ATP8B4: variants seen among roughly 807,000 people sequenced by gnomAD.
ATP8B4 encodes ATPase phospholipid transporting 8B4 (putative).
In ATP8B4, 133 loss-of-function variants were observed where a neutral mutation model predicts 145.6. The observed-to-expected ratio is 0.91, with a 90% CI of 0.79 to 1.05. The LOEUF (loss-of-function observed/expected upper bound fraction) is 1.05, where lower values mean the gene tolerates loss of function less well. ATP8B4 is among the 50% of genes least tolerant of loss of function. The pLI is 0.00. For synonymous variants in ATP8B4, 507 were observed against 492.9 expected, an observed-to-expected ratio of 1.03 and a Z score of -0.38; for missense variants, 1,458 against 1,425.2, an observed-to-expected ratio of 1.02 and a Z score of -0.37.
At chr15:49,947,437 C>CAAAAAAAAAAAAA (rs35281379) in intron 14 of ATP8B4, among the ~76,000 whole-genome samples, 1 of 89,058 alleles carries the variant, frequency 1.1e-5, no homozygotes, top group Non-Finnish European at 2.2e-5. Context: ...GACTCTGTCT[C>CAAAAAAAAAAAAA]AAAAAAAAAA....
chr15:50,163,066 T>C (rs1374371269), intron 1 of ATP8B4, among the ~76,000 whole-genome samples: 1 of 152,236 alleles, frequency 6.6e-6, no homozygotes, highest in Non-Finnish European at 1.5e-5. Flanking sequence ...AAAACAGTTA[T>C]TTTGTCTTTT....
chr15:49,928,269 T>C (rs558534322), intron 16 of ATP8B4, among the ~76,000 whole-genome samples: 6 of 152,148 alleles, frequency 3.9e-5, no homozygotes, highest in South Asian at 2.1e-4. Context: ...ATTTGGAGAA[T>C]AGAAAAAGAA....
intron 14 of ATP8B4, among the ~76,000 whole-genome samples, chr15:49,935,314 G>A (rs898901682): frequency 1.3e-5 from 2 of 151,922 alleles, no homozygotes; most frequent in East Asian, 1.9e-4. Flanking sequence ...TATTATCCCC[G>A]TTTTACAGAT....
At chr15:50,020,612 C>CT in intron 6 of ATP8B4, among the ~76,000 whole-genome samples, 1 of 152,218 alleles carries the variant, frequency 6.6e-6, no homozygotes, top group Admixed American at 6.5e-5. Flanking sequence ...TACAGAATGA[C>CT]TAATATCTTG....
At chr15:50,102,062 C>T (rs2056390752) in intron 2 of ATP8B4, among the ~76,000 whole-genome samples, 1 of 151,968 alleles carries the variant, frequency 6.6e-6, no homozygotes, top group African/African-American at 2.4e-5. Flanking sequence ...AGTGACACAA[C>T]CTAACAAAAC....
intron 8 of ATP8B4, among the ~76,000 whole-genome samples, chr15:49,997,709 G>A (rs1352510685): frequency 2.6e-5 from 4 of 152,072 alleles, no homozygotes; most frequent in Non-Finnish European, 4.4e-5. Flanking sequence ...AGGTACCTAA[G>A]AAGGCATCCA....
Position 49,985,197 on chromosome 15 carries a change from T to C in ATP8B4, c.748+2194A>G, listed in dbSNP as rs577339461. ...CTACAAGCTCCACCTCCCAGGTTCA[T>C]GCCATTCTCCTACCTCAGCCTCCCG... On this transcript the variant is annotated intron_variant, in intron 10 of 27. Coordinates refer to ENST00000284509, the MANE Select transcript of ATP8B4 (RefSeq NM_024837.4). Among the ~76,000 whole-genome samples the C allele has an allele frequency of 3.3e-3, 497 of 151,996 alleles. 2 individuals are homozygous for C. Among genetic ancestry groups the C allele is most frequent in the Non-Finnish European group, 5.4e-3 (365 of 67,944 alleles).
chr15:50,146,014 C>CTTTTTTTTT (rs10624735), intron 1 of ATP8B4, among the ~76,000 whole-genome samples: 1 of 133,464 alleles, frequency 7.5e-6, no homozygotes, highest in South Asian at 2.3e-4. Flanking sequence ...TAAATGTTTA[C>CTTTTTTTTT]TTTTTTTTTT....
intron 3 of ATP8B4, among the ~76,000 whole-genome samples, chr15:50,065,421 T>A (rs1311542652): frequency 3.9e-5 from 6 of 152,084 alleles, no homozygotes; most frequent in Admixed American, 1.3e-4. Flanking sequence ...GACCATTTGG[T>A]CCAGTAAAGA....
chr15:50,165,107 C>A (rs141681539), intron 1 of ATP8B4, among the ~76,000 whole-genome samples: 9 of 151,558 alleles, frequency 5.9e-5, no homozygotes, highest in Admixed American at 3.3e-4. Flanking sequence ...TGAAGTCCAG[C>A]GGAACGATCT....
intron 6 of ATP8B4, among the ~76,000 whole-genome samples, chr15:50,014,479 G>A (rs879725209): frequency 2.0e-5 from 3 of 152,138 alleles, no homozygotes; most frequent in Non-Finnish European, 4.4e-5. Context: ...TTGCCTGAAT[G>A]TCTAATAAGA....
chr15:50,179,519 G>C (rs1160442165), intron 1 of ATP8B4, among the ~76,000 whole-genome samples: 1 of 152,196 alleles, frequency 6.6e-6, no homozygotes, highest in Non-Finnish European at 1.5e-5. Flanking sequence ...TAAGATGGCA[G>C]CAATATTTCC....
At chr15:50,096,285 G>A (rs1056857530) in intron 2 of ATP8B4, among the ~76,000 whole-genome samples, 1 of 152,200 alleles carries the variant, frequency 6.6e-6, no homozygotes, top group Non-Finnish European at 1.5e-5. Context: ...ACAGAGAGGT[G>A]AGGGAAGGGT....
intron 1 of ATP8B4, among the ~76,000 whole-genome samples, chr15:50,109,013 C>A (rs1481239762): frequency 6.6e-6 from 1 of 152,154 alleles, no homozygotes; most frequent in Non-Finnish European, 1.5e-5. Context: ...GGATCCCAGA[C>A]CCCGGCCCCA....
At chr15:50,028,425 T>A (rs1040431247) in intron 6 of ATP8B4, among the ~76,000 whole-genome samples, 8 of 152,170 alleles carry the variant, frequency 5.3e-5, no homozygotes, top group Non-Finnish European at 1.0e-4. Context: ...CAAAGCACCA[T>A]TCCCAACTAG....
intron 23 of ATP8B4, among the ~76,000 whole-genome samples, chr15:49,882,896 A>G (rs2035637437): frequency 6.6e-6 from 1 of 152,226 alleles, no homozygotes; most frequent in African/African-American, 2.4e-5. Flanking sequence ...ATATTTATAT[A>G]CTTTTTAATA....
intron 7 of ATP8B4, among the ~76,000 whole-genome samples, chr15:50,002,832 G>GA (rs2048005031): frequency 1.3e-5 from 2 of 152,028 alleles, no homozygotes; most frequent in East Asian, 1.9e-4. Context: ...AAGGCAGTGG[G>GA]AAAAAATCAG....
chr15:50,075,047 A>G (rs1436032205), intron 2 of ATP8B4, among the ~76,000 whole-genome samples: 1 of 152,204 alleles, frequency 6.6e-6, no homozygotes, highest in East Asian at 1.9e-4. Flanking sequence ...TCTCACCATT[A>G]AATTCCCTTA....
intron 1 of ATP8B4, among the ~76,000 whole-genome samples, chr15:50,159,429 A>C (rs1254197927): frequency 6.6e-6 from 1 of 152,206 alleles, no homozygotes; most frequent in Non-Finnish European, 1.5e-5. Flanking sequence ...ATGAGATTAT[A>C]TCATCGTAAA....
Sources: gnomAD v4.1 joint callset for allele counts (sites outside exome capture counted in the v4.1 genomes callset) on GRCh38, gnomAD v4.1.1 for gene constraint, MANE v1.5 for transcripts, NCBI Gene and HGNC (gene_info 2026-07-23, HGNC 2026-07-21) for gene names.